Variants in GNG4 observed in about 807,000 individuals in gnomAD.
The protein encoded by GNG4 is guanine nucleotide-binding protein G(I)/G(S)/G(O) subunit gamma-4.
In GNG4, 4 loss-of-function variants were observed where a neutral mutation model predicts 5.8. The ratio of observed to expected loss-of-function variants is 0.69; its 90% confidence interval spans 0.34 to 1.57. The LOEUF (loss-of-function observed/expected upper bound fraction) is 1.57. GNG4 is among the 40% of genes most tolerant of loss of function. The pLI is 0.06. For missense variants in GNG4, 96 were observed against 95.1 expected, an observed-to-expected ratio of 1.01 and a Z score of -0.04; for synonymous variants, 29 against 32.9, an observed-to-expected ratio of 0.88 and a Z score of 0.41.
In GNG4 at chr1:235,602,270, T is replaced by TCAA. The variant is rs559331506; in HGVS notation, c.-122-6762_-122-6760dup. On this transcript the variant is annotated intron_variant, in intron 1 of 3. Transcript: ENST00000391854. ...CTGGTCCACAGAGCGAGACCCGATC[T>TCAA]CAACAACAACAACAAAAAAGAAGCT... Among the ~76,000 whole-genome samples, 223 of 151,964 alleles carry TCAA rather than the reference T, an allele frequency of 1.5e-3. 2 individuals carry two copies. Among genetic ancestry groups the TCAA allele is most frequent in the African/African-American group, 4.3e-3 (180 of 41,434 alleles).
rs527315380 is a variant in GNG4 at position 235,602,313 on chromosome 1, C to T, written c.-122-6802G>A. On this transcript the variant is annotated intron_variant, in intron 1 of 3. Transcript: ENST00000391854. ...AAGAAGCTCTGGGCGTGGGAAAGTG[C>T]TTAACAAGGCCTCCAGGTGGTTCTG... Among the ~76,000 whole-genome samples the T allele has an allele frequency of 1.9e-4, 29 of 152,202 alleles. No homozygotes were observed. In the South Asian group the frequency reaches 6.0e-3, roughly 32 times the overall value.
chr1:235,583,059 C>T (rs1035749363), intron 3 of GNG4, among the ~76,000 whole-genome samples: 5 of 152,202 alleles, frequency 3.3e-5, no homozygotes, highest in Non-Finnish European at 4.4e-5. Context: ...ACCACAGACA[C>T]ATGGAGCTTC....
At chr1:235,559,016 T>C (rs1686988526) in intron 3 of GNG4, among the ~76,000 whole-genome samples, 1 of 152,256 alleles carries the variant, frequency 6.6e-6, no homozygotes, top group Non-Finnish European at 1.5e-5. Context: ...GCAATTACTA[T>C]AGTCACATTC....
At chr1:235,629,588 TTTTC>T (rs1156655334) in intron 1 of GNG4, among the ~76,000 whole-genome samples, 21 of 150,222 alleles carry the variant, frequency 1.4e-4, no homozygotes, top group East Asian at 7.8e-4. Flanking sequence ...TTTCTTTCTT[TTTTC>T]TTTCTTTCTT....
At chr1:235,590,982 G>A (rs1687946791) in intron 2 of GNG4, among the ~76,000 whole-genome samples, 1 of 152,178 alleles carries the variant, frequency 6.6e-6, no homozygotes, top group Non-Finnish European at 1.5e-5. Flanking sequence ...GTGGCTCTGG[G>A]GTAGGGGCCG....
At chr1:235,579,357 C>T (rs184699998) in intron 3 of GNG4, among the ~76,000 whole-genome samples, 98 of 151,256 alleles carry the variant, frequency 6.5e-4, no homozygotes, top group African/African-American at 2.3e-3. Context: ...TCAGTACTGT[C>T]GTCATGATAG....
intron 1 of GNG4, chr1:235,615,709 A>T: frequency 4.2e-6 from 1 of 238,250 alleles, no homozygotes; most frequent in Non-Finnish European, 8.8e-6. Context: ...AGACATAGCC[A>T]TTATGCCTCT....
At chr1:235,585,063 C>A (rs1687725833) in intron 2 of GNG4, among the ~76,000 whole-genome samples, 1 of 152,132 alleles carries the variant, frequency 6.6e-6, no homozygotes, top group South Asian at 2.1e-4. Flanking sequence ...CAACCAATCA[C>A]ACTGGACTCC....
At chr1:235,603,221 A>T (rs1367049427) in intron 1 of GNG4, among the ~76,000 whole-genome samples, 2 of 151,516 alleles carry the variant, frequency 1.3e-5, no homozygotes, top group Non-Finnish European at 2.9e-5. Context: ...TCCAGCCTGG[A>T]CAACAGAGCA....
intron 1 of GNG4, among the ~76,000 whole-genome samples, chr1:235,630,667 A>G (rs1382578184): frequency 1.8e-4 from 28 of 152,214 alleles, no homozygotes; most frequent in Admixed American, 1.8e-3. Context: ...GTGTGGACGC[A>G]GCTCAGAATG....
chr1:235,607,720 A>G (rs1688392265), intron 1 of GNG4, among the ~76,000 whole-genome samples: 2 of 152,066 alleles, frequency 1.3e-5, no homozygotes, highest in Non-Finnish European at 1.5e-5. Flanking sequence ...TATTCTTGCT[A>G]GGGTTAGGGT....
In GNG4 at chr1:235,610,709, G is replaced by C. The variant is rs539493577; in HGVS notation, c.-122-15198C>G. 1.7e-4 allele frequency among the ~76,000 whole-genome samples: 26 copies of C among 152,246 alleles called. No individual in the cohort carries two copies. The South Asian group carries it at 5.2e-3, about 30-fold the overall frequency. Reference sequence around the variant, plus strand: ...TTGCCTATTCAAGGTGCTAGAAAAAGGCTCCTGTTTCAAATTCCTACCAAA... The same window carrying C: ...TTGCCTATTCAAGGTGCTAGAAAAACGCTCCTGTTTCAAATTCCTACCAAA... On this transcript the variant is annotated intron_variant, in intron 1 of 3. Transcript: ENST00000391854.
intron 2 of GNG4, among the ~76,000 whole-genome samples, chr1:235,587,213 GGGTGTGGGT>G (rs1687782334): frequency 8.8e-6 from 1 of 113,542 alleles, no homozygotes; most frequent in African/African-American, 4.2e-5. Context: ...GTATGTGTGA[GGGTGTGGGT>G]GAGTGTGAGT....
At chr1:235,580,738 C>T (rs906621851) in intron 3 of GNG4, among the ~76,000 whole-genome samples, 4 of 98,122 alleles carry the variant, frequency 4.1e-5, no homozygotes, top group Admixed American at 1.4e-4. Flanking sequence ...CGGCCTATCC[C>T]GTTTTTTGTT....
intron 3 of GNG4, among the ~76,000 whole-genome samples, chr1:235,571,371 C>A (rs774706993): frequency 6.6e-6 from 1 of 152,156 alleles, no homozygotes; most frequent in African/African-American, 2.4e-5. Flanking sequence ...TCTTCATAGA[C>A]CTCAGTTTCC....
intron 3 of GNG4, among the ~76,000 whole-genome samples, chr1:235,558,893 G>A (rs182130039): frequency 6.6e-6 from 1 of 152,260 alleles, no homozygotes; most frequent in African/African-American, 2.4e-5. Context: ...GAACAACTGT[G>A]GAATTTTACC....
intron 1 of GNG4, among the ~76,000 whole-genome samples, chr1:235,639,767 A>G (rs554624693): frequency 7.9e-5 from 12 of 152,334 alleles, no homozygotes; most frequent in African/African-American, 2.9e-4. Flanking sequence ...TTGGTCTCCC[A>G]AAGTGCTGGG....
Position 235,597,620 on chromosome 1 carries a change from G to A in GNG4, c.-122-2109C>T, listed in dbSNP as rs1380311358. On this transcript the variant is annotated intron_variant, in intron 1 of 3. Transcript: ENST00000391854. ...TGTGTGTGTGTGTGTGTGTGTGTGT[G>A]TGTGTGTGTATTTTTTTTTTTTTCA... is the stretch of plus-strand genomic sequence containing the variant. Among the ~76,000 whole-genome samples, 342 of 92,276 alleles carry A rather than the reference G, an allele frequency of 3.7e-3. 7 individuals are homozygous for A. The highest frequency in any genetic ancestry group is 0.02 in the East Asian group (92 of 4,548). The allele number at this position is 92,276 out of a possible 152,430, so 60.5% of individuals were successfully genotyped here.
chr1:235,636,440 G>A (rs1047083973), intron 1 of GNG4, among the ~76,000 whole-genome samples: 3 of 152,132 alleles, frequency 2.0e-5, no homozygotes, highest in South Asian at 4.1e-4. Context: ...CCGTGTAGAG[G>A]AGAGCAGCTG....
Sources: gnomAD v4.1 joint callset for allele counts (sites outside exome capture counted in the v4.1 genomes callset) on GRCh38, gnomAD v4.1.1 for gene constraint, MANE v1.5 for transcripts, NCBI Gene and HGNC (gene_info 2026-07-23, HGNC 2026-07-21) for gene names.